The following ZNF624 variants were observed in gnomAD, a reference collection of about 807,000 sequenced individuals.
ZNF624 encodes the protein zinc finger protein 624.
A neutral mutation model predicts 74.7 loss-of-function variants in ZNF624; 43 were observed. The ratio of observed to expected loss-of-function variants is 0.58; its 90% CI spans 0.45 to 0.74. ZNF624 has a LOEUF of 0.74. Among genes scored for constraint, ZNF624 ranks in the 30% least tolerant of loss-of-function variants. The pLI is 0.00. For synonymous variants in ZNF624, 331 were observed against 341.3 expected (o/e 0.97, Z 0.33); for missense variants, 820 against 1,030.0 (o/e 0.80, Z 2.79).
chr17:16,649,815 C>T (rs1909678221), intron 1 of ZNF624, 69 bp from the exon 2 acceptor site: 1 of 1,283,404 alleles, frequency 7.8e-7, no homozygotes, highest in Non-Finnish European at 1.1e-6. Context: ...AAGTTGGAAT[C>T]CTGACATACA....
intron 2 of ZNF624, among the ~76,000 whole-genome samples, chr17:16,648,465 T>C (rs1909645754): frequency 6.6e-6 from 1 of 152,232 alleles, no homozygotes; most frequent in Non-Finnish European, 1.5e-5. Context: ...ATCTTCTATC[T>C]CTGATAGAGA....
At chr17:16,647,951 G>A (rs1909632985) in intron 2 of ZNF624, among the ~76,000 whole-genome samples, 1 of 148,822 alleles carries the variant, frequency 6.7e-6, no homozygotes, top group Non-Finnish European at 1.5e-5. Context: ...TATTTTTTTT[G>A]AGACAGAGTC....
At chr17:16,627,627 T>G (rs904838821) in intron 5 of ZNF624, among the ~76,000 whole-genome samples, 1 of 152,186 alleles carries the variant, frequency 6.6e-6, no homozygotes, top group Non-Finnish European at 1.5e-5. Flanking sequence ...TAAGCAGAAC[T>G]CTTAATAAAG....
At chr17:16,617,584 T>G, downstream of ZNF624, 1 of 1,582,228 alleles carries the variant, frequency 6.3e-7, no homozygotes, top group African/African-American at 1.3e-5. Context: ...TCCGTATTTG[T>G]CTCTGCCAGA....
At chr17:16,641,665 G>C (rs1451070752) in intron 3 of ZNF624, among the ~76,000 whole-genome samples, 1 of 152,230 alleles carries the variant, frequency 6.6e-6, no homozygotes, top group African/African-American at 2.4e-5. Flanking sequence ...AAGGTACCCA[G>C]ACAGGAAAGG....
At chr17:16,641,179 C>G (rs1199698099) in intron 3 of ZNF624, among the ~76,000 whole-genome samples, 3 of 152,128 alleles carry the variant, frequency 2.0e-5, no homozygotes, top group Non-Finnish European at 4.4e-5. Context: ...TCTATGAAAA[C>G]CTACATCTAG....
At chr17:16,644,478 CAAAT>C (rs1745648624) in intron 3 of ZNF624, among the ~76,000 whole-genome samples, 1 of 152,110 alleles carries the variant, frequency 6.6e-6, no homozygotes, top group Admixed American at 6.5e-5. Context: ...ATAATTTAGA[CAAAT>C]AAAATTGGAA....
At chr17:16,642,859 C>G (rs566191014) in intron 3 of ZNF624, among the ~76,000 whole-genome samples, 1 of 152,232 alleles carries the variant, frequency 6.6e-6, no homozygotes, top group East Asian at 1.9e-4. Flanking sequence ...GGGCAAAGGA[C>G]TTGAATAGAT....
At chr17:16,632,271 T>C (rs994101086) in intron 5 of ZNF624, among the ~76,000 whole-genome samples, 1 of 151,826 alleles carries the variant, frequency 6.6e-6, no homozygotes, top group Non-Finnish European at 1.5e-5. Context: ...CCCTTTCCTT[T>C]CTAGATTTTA....
rs752489671 is a variant in ZNF624, at chr17:16,622,768, T to A, written c.2118A>T (p.Thr706=). The A allele has an allele frequency of 3.7e-6, 6 of 1,613,772 alleles. No individual in the cohort carries two copies. The highest frequency in any genetic ancestry group is 1.1e-5 in the South Asian group (1 of 91,076). Residue 706 remains threonine, a synonymous_variant, in exon 6 of 6, where the codon ACA becomes ACT. Transcript: ENST00000311331. ...GATGTGTATTAAAGCCTGAGTTACT[T>A]GTGAAAACCTTTCCACATTCATTGC... is the stretch of plus-strand genomic sequence containing the variant. ...YKCNECGKVF[T]SNSGFNTHQR...
chr17:16,634,584 G>A (rs865991099), intron 4 of ZNF624, 46 bp downstream of exon 4: 1 of 1,580,296 alleles, frequency 6.3e-7, no homozygotes, highest in Non-Finnish European at 8.6e-7. Flanking sequence ...TGGCAAACCT[G>A]GTCAAATGGG....
Position 16,635,170 on chromosome 17 carries a change from T to C in ZNF624, c.154-414A>G, listed in dbSNP as rs1909297882. 2.6e-5 allele frequency among the ~76,000 whole-genome samples: 4 copies of C among 152,358 alleles called. No homozygotes were observed. The South Asian group carries it at 8.3e-4, about 32-fold the overall frequency. ...GCTTATCTAAAATATCAATTTTCTTTCAGTTCTAATCTATAGACTATGACT... is the reference window on the plus strand; with the variant it reads ...GCTTATCTAAAATATCAATTTTCTTCCAGTTCTAATCTATAGACTATGACT... On this transcript the variant is annotated intron_variant, in intron 3 of 5. Coordinates refer to ENST00000311331, the MANE Select transcript of ZNF624 (RefSeq NM_020787.4).
chr17:16,651,221 G>A (rs957297143), intron 1 of ZNF624, among the ~76,000 whole-genome samples: 12 of 152,178 alleles, frequency 7.9e-5, no homozygotes, highest in Admixed American at 7.9e-4. Context: ...GAGGTCAGGA[G>A]TTTGAGACCA....
At chr17:16,616,008 A>G (rs1908786715), downstream of ZNF624, among the ~76,000 whole-genome samples, 1 of 139,926 alleles carries the variant, frequency 7.1e-6, no homozygotes, top group Admixed American at 7.2e-5. Flanking sequence ...TGAATGAGAT[A>G]TACCATATAC....
chr17:16,622,730 G>C lies in ZNF624; in HGVS notation c.2156C>G (p.Thr719Ser), dbSNP rs1371064529. ...ATTACATTTAAATGGTTTCTCTCCA[G>C]TATGTGTTCTTTGATGTGTATTAAA... The part of the protein sequence containing the change: ...SGFNTHQRTH[T>S]GEKPFKCNDC... Residue 719 changes from threonine to serine, a missense_variant, in exon 6 of 6, where the codon ACT (threonine) becomes AGT (serine). Coordinates refer to ENST00000311331, the MANE Select transcript of ZNF624 (RefSeq NM_020787.4). The C allele has an allele frequency of 6.2e-7, 1 of 1,613,734 alleles. No individual in the cohort carries two copies.
intron 3 of ZNF624, among the ~76,000 whole-genome samples, chr17:16,640,106 G>A (rs1176569773): frequency 6.6e-6 from 1 of 152,154 alleles, no homozygotes; most frequent in African/African-American, 2.4e-5. Flanking sequence ...AGAAATTTTA[G>A]AGTTGAAAAG....
chr17:16,640,385 G>A (rs9916655), intron 3 of ZNF624, among the ~76,000 whole-genome samples: 26,019 of 151,804 alleles, frequency 0.17, 3,005 homozygotes, highest in African/African-American at 0.31. Context: ...AATTTTTTAG[G>A]AAGCTGAAGG....
intron 4 of ZNF624, 89 bp from the exon 5 acceptor site, chr17:16,634,046 G>A (rs934374721): frequency 1.6e-5 from 16 of 1,020,988 alleles, no homozygotes; most frequent in Non-Finnish European, 1.6e-5. Flanking sequence ...CTTCTGGGCA[G>A]AATGACCATT....
chr17:16,641,415 C>T (rs1287866804), intron 3 of ZNF624, among the ~76,000 whole-genome samples: 5 of 152,020 alleles, frequency 3.3e-5, no homozygotes, highest in South Asian at 2.1e-4. Flanking sequence ...CCCAAGTAGC[C>T]GGGATTACAG....
Sources: gnomAD v4.1 joint callset for allele counts (sites outside exome capture counted in the v4.1 genomes callset) on GRCh38, gnomAD v4.1.1 for gene constraint, MANE v1.5 for transcripts, NCBI Gene and HGNC (gene_info 2026-07-23, HGNC 2026-07-21) for gene names.